The following CAPZA1 variants were observed in gnomAD, a reference collection of about 807,000 sequenced individuals.
CAPZA1 encodes F-actin-capping protein subunit alpha-1.
A neutral mutation model predicts 40.8 loss-of-function variants in CAPZA1; 10 were observed. The observed-to-expected ratio is 0.25, with a 90% CI of 0.15 to 0.42. CAPZA1 has a LOEUF of 0.42. CAPZA1 is among the 10% of genes least tolerant of loss of function. The probability of loss-of-function intolerance (pLI) is 1.00; values close to 1 mark genes in which losing one functional copy is unlikely to be tolerated. For synonymous variants in CAPZA1, 98 were observed against 115.0 expected, an observed-to-expected ratio of 0.85 and a Z score of 0.95; for missense variants, 277 against 353.8, an observed-to-expected ratio of 0.78 and a Z score of 1.74.
Position 112,661,801 on chromosome 1 carries a change from G to A in CAPZA1, c.585+2022G>A, listed in dbSNP as rs36087180. Among the ~76,000 whole-genome samples, 252 of 152,318 alleles carry A rather than the reference G, an allele frequency of 1.7e-3. 1 individual carries two copies. Among genetic ancestry groups the A allele is most frequent in the Middle Eastern group, 0.014 (4 of 294 alleles). On this transcript the variant is annotated intron_variant, in intron 7 of 9. Transcript: ENST00000263168. ...CACAAAGGGTGATAATTTATGGTAA[G>A]ATTCAAAATACAGCCCAGTGTACAG...
chr1:112,640,123 C>T (rs1467752863), intron 1 of CAPZA1, among the ~76,000 whole-genome samples: 6 of 110,410 alleles, frequency 5.4e-5, no homozygotes, highest in Non-Finnish European at 9.6e-5. Flanking sequence ...CCAGCCGCCC[C>T]GTCCGGGAGG....
chr1:112,643,457 G>T (rs931276739), intron 1 of CAPZA1, among the ~76,000 whole-genome samples: 1 of 152,128 alleles, frequency 6.6e-6, no homozygotes, highest in African/African-American at 2.4e-5. Context: ...TTTTTGTGGC[G>T]TGAATTCCTG....
At chr1:112,638,476 G>A (rs371904197) in intron 1 of CAPZA1, among the ~76,000 whole-genome samples, 3 of 151,846 alleles carry the variant, frequency 2.0e-5, no homozygotes, top group East Asian at 2.0e-4. Flanking sequence ...CACTACGCCC[G>A]GCTAGTGTTT....
chr1:112,630,500 C>T (rs1164312164), intron 1 of CAPZA1, among the ~76,000 whole-genome samples: 1 of 151,930 alleles, frequency 6.6e-6, no homozygotes, highest in Non-Finnish European at 1.5e-5. Context: ...CCTGTCACCA[C>T]ACCTGCCTAA....
chr1:112,660,010 A>G (rs940257109), intron 7 of CAPZA1, among the ~76,000 whole-genome samples: 1 of 151,910 alleles, frequency 6.6e-6, no homozygotes, highest in African/African-American at 2.4e-5. Flanking sequence ...TTTTCCTTCA[A>G]TGGTAACATA....
chr1:112,631,949 A>C (rs562677717), intron 1 of CAPZA1, among the ~76,000 whole-genome samples: 1 of 152,320 alleles, frequency 6.6e-6, no homozygotes, highest in East Asian at 1.9e-4. Context: ...TATGAAATAC[A>C]ATGACTCTTA....
At position 112,670,354 on chromosome 1, in the gene CAPZA1, C is replaced by CT. The variant is rs140993095; in HGVS notation, c.*229dup. ...GTTACTGCTATATCTACGTGTAAATCTTTTTTTCTTTTTTTTTTTTTTTTT... is the reference window on the plus strand; with the variant it reads ...GTTACTGCTATATCTACGTGTAAATCTTTTTTTTCTTTTTTTTTTTTTTTTT... On this transcript the variant is annotated 3_prime_UTR_variant, in exon 10 of 10. Transcript: ENST00000263168. 2.4e-4 allele frequency: 32 copies of CT among 130,628 alleles called. No individual in the cohort carries two copies. Among genetic ancestry groups the CT allele is most frequent in the South Asian group, 5.0e-4 (2 of 3,966 alleles). 8.1% of individuals were successfully genotyped at this position (130,628 alleles called of 1,614,324 possible).
At chr1:112,639,851 T>C (rs1199855513) in intron 1 of CAPZA1, among the ~76,000 whole-genome samples, 1 of 144,538 alleles carries the variant, frequency 6.9e-6, no homozygotes, top group African/African-American at 2.6e-5. Context: ...AGCCGCCCCG[T>C]CCGGGAGGGA....
At chr1:112,663,298 A>G (rs764517292) in intron 7 of CAPZA1, among the ~76,000 whole-genome samples, 1 of 148,186 alleles carries the variant, frequency 6.7e-6, no homozygotes, top group Non-Finnish European at 1.5e-5. Flanking sequence ...CAGTCCCTGA[A>G]CCTCTAGTTT....
chr1:112,637,140 T>C (rs1168730615), intron 1 of CAPZA1, among the ~76,000 whole-genome samples: 1 of 152,242 alleles, frequency 6.6e-6, no homozygotes, highest in East Asian at 1.9e-4. Flanking sequence ...CCATTTATTA[T>C]AAGCATGCAA....
At chr1:112,646,639 AT>A (rs973563782) in intron 1 of CAPZA1, 1 of 152,096 alleles carries the variant, frequency 6.6e-6, no homozygotes, top group African/African-American at 2.4e-5. Flanking sequence ...TTGTTGTAGA[AT>A]TTTGGTAGGT....
intron 5 of CAPZA1, 38 bp downstream of exon 5, chr1:112,654,709 T>C: frequency 7.1e-7 from 1 of 1,409,658 alleles, no homozygotes; most frequent in East Asian, 2.3e-5. Context: ...GAGAGTGTTT[T>C]CTTATATTTA....
intron 1 of CAPZA1, among the ~76,000 whole-genome samples, chr1:112,623,131 T>C (rs1670718431): frequency 6.6e-6 from 1 of 152,156 alleles, no homozygotes; most frequent in African/African-American, 2.4e-5. Context: ...GTGATCCGCC[T>C]GCCTTGGCCT....
chr1:112,657,405 T>C (rs989312988), intron 5 of CAPZA1, among the ~76,000 whole-genome samples: 3 of 152,190 alleles, frequency 2.0e-5, no homozygotes, highest in African/African-American at 7.2e-5. Context: ...TATCTACTTC[T>C]GAACCCTTTA....
chr1:112,653,290 T>A (rs1671433798), intron 3 of CAPZA1, among the ~76,000 whole-genome samples: 1 of 152,140 alleles, frequency 6.6e-6, no homozygotes, highest in South Asian at 2.1e-4. Context: ...GTAGTGAGAC[T>A]CTATCTCAAA....
intron 3 of CAPZA1, 47 bp from the exon 4 acceptor site, chr1:112,653,551 C>A: frequency 9.0e-7 from 1 of 1,110,276 alleles, no homozygotes; most frequent in Non-Finnish European, 1.3e-6. Context: ...TCTTTTCTCT[C>A]TCCCTCTTTT....
intron 2 of CAPZA1, among the ~76,000 whole-genome samples, chr1:112,648,792 G>T (rs546846985): frequency 1.3e-5 from 2 of 151,952 alleles, no homozygotes; most frequent in Non-Finnish European, 2.9e-5. Flanking sequence ...GTGAAACCCC[G>T]TCTCTACTAA....
At chr1:112,634,307 T>G (rs963249264) in intron 1 of CAPZA1, among the ~76,000 whole-genome samples, 1 of 152,212 alleles carries the variant, frequency 6.6e-6, no homozygotes, top group South Asian at 2.1e-4. Context: ...ACTATTATAC[T>G]TTCTTTAAGT....
chr1:112,645,629 G>T (rs1162206847), intron 1 of CAPZA1, among the ~76,000 whole-genome samples: 1 of 150,882 alleles, frequency 6.6e-6, no homozygotes, highest in Non-Finnish European at 1.5e-5. Flanking sequence ...GTGAGACCCT[G>T]TCTCTGAGAA....
Sources: allele counts gnomAD v4.1 joint callset (sites outside exome capture counted in the v4.1 genomes callset), GRCh38; gene constraint gnomAD v4.1.1; transcripts MANE v1.5; gene names NCBI Gene and HGNC (gene_info 2026-07-23, HGNC 2026-07-21).